Variants in KAT6A observed in about 807,000 individuals in gnomAD.
KAT6A encodes the protein lysine acetyltransferase 6A.
Under a neutral mutation model 198.4 loss-of-function variants are expected in KAT6A, and 9 were observed. That is an observed-to-expected ratio of 0.05 (90% CI 0.03 to 0.08). KAT6A has a LOEUF of 0.08. Among genes scored for constraint, KAT6A ranks in the 10% least tolerant of loss-of-function variants. KAT6A has a pLI of 1.00. For missense variants in KAT6A, 2,077 were observed against 2,509.9 expected (o/e 0.83, Z 3.69); for synonymous variants, 890 against 883.0 (o/e 1.01, Z -0.14).
intron 2 of KAT6A, among the ~76,000 whole-genome samples, chr8:41,991,566 G>A (rs1207451756): frequency 1.3e-5 from 2 of 151,978 alleles, no homozygotes; most frequent in African/African-American, 4.8e-5. Context: ...GTGTAGTTAA[G>A]GTGTACACTT....
chr8:41,963,256 G>A (rs1011576292), intron 8 of KAT6A, among the ~76,000 whole-genome samples: 1 of 152,052 alleles, frequency 6.6e-6, no homozygotes, highest in East Asian at 1.9e-4. Context: ...CACATGTGCT[G>A]GTAACACAGC....
intron 8 of KAT6A, among the ~76,000 whole-genome samples, chr8:41,972,242 T>C (rs891491065): frequency 1.3e-5 from 2 of 152,132 alleles, no homozygotes; most frequent in Admixed American, 1.3e-4. Flanking sequence ...TGCCAATTAA[T>C]AAATGGCAAA....
At chr8:41,946,824 C>T in intron 11 of KAT6A, 140 bp from the exon 12 acceptor site, 1 of 613,416 alleles carries the variant, frequency 1.6e-6, no homozygotes. Flanking sequence ...CAAACAACTA[C>T]CCAGCTGGGA....
rs1386486842 is a variant in KAT6A at position 41,982,054 on chromosome 8, C to CA, written c.710-101dup. 4 of 694,962 alleles carry CA rather than the reference C, an allele frequency of 5.8e-6. No homozygotes were observed. In the Admixed American group the frequency reaches 6.5e-5, roughly 11 times the overall value. 43.0% of individuals were successfully genotyped at this position (694,962 alleles called of 1,614,324 possible). A position where few individuals can be genotyped will look rare whatever the true frequency, so the allele number is the denominator to read the frequency against. ...TAGAAAAAGGCAATCATCTTAAATACAAAATATATATCAAATAAAGCAAGA... is the reference window on the plus strand; with the variant it reads ...TAGAAAAAGGCAATCATCTTAAATACAAAAATATATATCAAATAAAGCAAGA... On this transcript the variant is annotated intron_variant, in intron 3 of 16. Transcript: ENST00000265713.
Position 41,940,920 on chromosome 8 carries a change from G to C in KAT6A, c.2961C>G (p.Ser987Arg). The C allele has an allele frequency of 6.2e-7, 1 of 1,614,186 alleles. No individual in the cohort carries two copies. Among genetic ancestry groups the C allele is most frequent in the Non-Finnish European group, 8.5e-7 (1 of 1,180,034 alleles). The change falls in exon 15 of 17, where the codon AGC becomes AGG. Residue 987 changes from serine (S) to arginine (R), a missense_variant. Physicochemically the swap from Ser to Arg is moderately radical, Grantham distance 110 (BLOSUM62 -1). Coordinates refer to ENST00000265713, the MANE Select transcript of KAT6A (RefSeq NM_006766.5). ...TTTCCGGCTCCTCCTCCTCCTCGCT[G>C]CTCTCACTGAAGCCCCTGAGGACAG... ...DRAVLRGFSESSEEEEEPESP... is the reference protein window; with the variant it reads ...DRAVLRGFSERSEEEEEPESP...
intron 2 of KAT6A, among the ~76,000 whole-genome samples, chr8:42,036,154 T>C (rs935478709): frequency 2.0e-5 from 3 of 152,020 alleles, no homozygotes; most frequent in Admixed American, 6.6e-5. Flanking sequence ...TATGGGAGTA[T>C]CTACTGAAAA....
Position 42,020,035 on chromosome 8 carries a change from A to T in KAT6A, c.600+28343T>A, listed in dbSNP as rs987597591. Among the ~76,000 whole-genome samples, 119 of 152,320 alleles carry T rather than the reference A, an allele frequency of 7.8e-4. 1 individual carries two copies. The highest frequency in any genetic ancestry group is 2.8e-3 in the African/African-American group (117 of 41,572). On this transcript the variant is annotated intron_variant, in intron 2 of 16. Coordinates refer to ENST00000265713, the MANE Select transcript of KAT6A (RefSeq NM_006766.5). ...ATGCAAATGAATCAGTGATGCAGTGATGTTATCAATGTAATTACCTTCTTT... is the reference window on the plus strand; with the variant it reads ...ATGCAAATGAATCAGTGATGCAGTGTTGTTATCAATGTAATTACCTTCTTT...
chr8:41,959,356 AG>A (rs1438146595), intron 8 of KAT6A, among the ~76,000 whole-genome samples: 1 of 152,178 alleles, frequency 6.6e-6, no homozygotes, highest in African/African-American at 2.4e-5. Flanking sequence ...AGAAAATAAC[AG>A]ATGTTGGTGA....
At chr8:41,977,478 T>C (rs769493114) in intron 6 of KAT6A, 151 bp from the exon 7 acceptor site, 6 of 514,814 alleles carry the variant, frequency 1.2e-5, no homozygotes, top group Non-Finnish European at 2.0e-5. Flanking sequence ...TAGTACTCTG[T>C]GAATGAAAAT....
intron 2 of KAT6A, among the ~76,000 whole-genome samples, chr8:42,013,304 G>A (rs1388077658): frequency 6.6e-6 from 1 of 150,858 alleles, no homozygotes; most frequent in Non-Finnish European, 1.5e-5. Context: ...TTGCCAGGCT[G>A]GAGTGCAGTG....
rs1827108345 is a variant in KAT6A at position 42,031,242 on chromosome 8, T to C, written c.600+17136A>G. 2.6e-5 allele frequency among the ~76,000 whole-genome samples: 4 copies of C among 152,288 alleles called. No individual in the cohort carries two copies. In the South Asian group the frequency reaches 8.3e-4, roughly 32 times the overall value. Reference sequence around the variant, plus strand: ...GAATTTTACACAGTGATGAATACATTACCTATTCAGAAAAGTGTTTTTAAC... The same window carrying C: ...GAATTTTACACAGTGATGAATACATCACCTATTCAGAAAAGTGTTTTTAAC... On this transcript the variant is annotated intron_variant, in intron 2 of 16. Transcript: ENST00000265713.
intron 3 of KAT6A, among the ~76,000 whole-genome samples, chr8:41,984,877 G>T (rs754382083): frequency 6.6e-6 from 1 of 151,724 alleles, no homozygotes; most frequent in East Asian, 1.9e-4. Context: ...CAGCTACTCC[G>T]GAGGCTGAGG....
At chr8:42,036,670 G>C (rs1827394484) in intron 2 of KAT6A, among the ~76,000 whole-genome samples, 1 of 152,162 alleles carries the variant, frequency 6.6e-6, no homozygotes, top group Non-Finnish European at 1.5e-5. Context: ...TGCAGGAGTA[G>C]TGAGTGAGTG....
intron 2 of KAT6A, among the ~76,000 whole-genome samples, chr8:41,996,749 T>C (rs1347660845): frequency 6.6e-6 from 1 of 152,228 alleles, no homozygotes; most frequent in Non-Finnish European, 1.5e-5. Context: ...CCCTTGATCT[T>C]AGACTTCTCA....
chr8:41,984,133 A>C (rs1026102966), intron 3 of KAT6A, among the ~76,000 whole-genome samples: 2 of 152,204 alleles, frequency 1.3e-5, no homozygotes, highest in African/African-American at 4.8e-5. Flanking sequence ...TTCTTTGGCT[A>C]TTGTGACAGC....
At chr8:42,049,944 C>T (rs1017633997) in intron 1 of KAT6A, among the ~76,000 whole-genome samples, 5 of 152,188 alleles carry the variant, frequency 3.3e-5, no homozygotes, top group Admixed American at 2.6e-4. Context: ...CTGAATTTAA[C>T]AATAATCCAC....
intron 2 of KAT6A, among the ~76,000 whole-genome samples, chr8:42,045,815 T>C (rs1013718235): frequency 4.0e-5 from 2 of 50,302 alleles, no homozygotes; most frequent in Admixed American, 4.3e-4. Flanking sequence ...CTACTAAAAA[T>C]ACAAAAAAAA....
At chr8:41,985,633 C>T (rs367863801) in intron 3 of KAT6A, among the ~76,000 whole-genome samples, 4 of 152,158 alleles carry the variant, frequency 2.6e-5, no homozygotes, top group Admixed American at 1.3e-4. Context: ...TGGACTCCCC[C>T]CTGCTTGCAC....
At chr8:42,011,742 GA>G (rs1368552265) in intron 2 of KAT6A, among the ~76,000 whole-genome samples, 65 of 136,156 alleles carry the variant, frequency 4.8e-4, no homozygotes, top group Admixed American at 5.2e-4. Context: ...CTCCATCTCA[GA>G]AAAAAAAAAA....
Sources: gnomAD v4.1 joint callset for allele counts (sites outside exome capture counted in the v4.1 genomes callset) on GRCh38, gnomAD v4.1.1 for gene constraint, MANE v1.5 for transcripts, NCBI Gene and HGNC (gene_info 2026-07-23, HGNC 2026-07-21) for gene names.